The following USP54 variants were observed in gnomAD, a reference collection of about 807,000 sequenced individuals.
USP54 encodes the protein ubiquitin carboxyl-terminal hydrolase 54.
Under a neutral mutation model 170.5 loss-of-function variants are expected in USP54, and 87 were observed. That is an observed-to-expected ratio of 0.51 (90% CI 0.43 to 0.61). The LOEUF (loss-of-function observed/expected upper bound fraction) is 0.61, where lower values mean the gene tolerates loss of function less well. USP54 is among the 20% of genes least tolerant of loss of function. The probability of loss-of-function intolerance (pLI) is 0.00; values close to 1 mark genes in which losing one functional copy is unlikely to be tolerated. For missense variants in USP54, 1,786 were observed against 2,047.8 expected (o/e 0.87, Z 2.47); for synonymous variants, 655 against 742.8 (o/e 0.88, Z 1.92).
chr10:73,547,423 A>G lies in USP54; in HGVS notation c.241-1751T>C, dbSNP rs890677447. On this transcript the variant is annotated intron_variant, in intron 4 of 23. Transcript: ENST00000687698. ...GAACCAAAAAAGAGCCTGCATTGCC[A>G]AGACAATCCTAAGCAAAAAGAACAA... 2.6e-5 allele frequency among the ~76,000 whole-genome samples: 4 copies of G among 152,250 alleles called. No homozygotes were observed. In the South Asian group the frequency reaches 8.3e-4, roughly 31 times the overall value.
At chr10:73,526,380 T>C (rs2062853774) in intron 16 of USP54, among the ~76,000 whole-genome samples, 1 of 152,148 alleles carries the variant, frequency 6.6e-6, no homozygotes, top group Non-Finnish European at 1.5e-5. Flanking sequence ...CCCGAGCAGC[T>C]GGGACTACAG....
At chr10:73,499,969 C>A (rs1308978409) in intron 23 of USP54, 2 of 152,328 alleles carry the variant, frequency 1.3e-5, no homozygotes, top group African/African-American at 2.4e-5. Context: ...TGAGGGTTTA[C>A]AACAACAACT....
intron 4 of USP54, among the ~76,000 whole-genome samples, chr10:73,566,229 T>C (rs1391393388): frequency 6.6e-6 from 1 of 151,106 alleles, no homozygotes; most frequent in Non-Finnish European, 1.5e-5. Context: ...AAACTCCGTC[T>C]CAAAAAAGAA....
chr10:73,584,470 T>C (rs530635189), intron 1 of USP54, among the ~76,000 whole-genome samples: 6 of 152,316 alleles, frequency 3.9e-5, no homozygotes, highest in Admixed American at 2.0e-4. Context: ...GTTTACTGTT[T>C]AATATCACAG....
At chr10:73,555,265 T>G (rs1381237270) in intron 4 of USP54, among the ~76,000 whole-genome samples, 1 of 152,212 alleles carries the variant, frequency 6.6e-6, no homozygotes, top group Non-Finnish European at 1.5e-5. Context: ...TCTAACCATA[T>G]ATCTACCTTC....
chr10:73,571,137 CAAAAAAAAAAAAAAA>C (rs59126730), intron 4 of USP54, among the ~76,000 whole-genome samples: 9 of 44,326 alleles, frequency 2.0e-4, no homozygotes, highest in African/African-American at 4.3e-4. Context: ...GACTTCATCC[CAAAAAAAAAAAAAAA>C]AAAAAAAAAA....
chr10:73,567,766 T>C (rs2074181483), intron 4 of USP54, among the ~76,000 whole-genome samples: 2 of 152,276 alleles, frequency 1.3e-5, no homozygotes, highest in East Asian at 3.9e-4. Flanking sequence ...GTAGATTGAG[T>C]TTTTTTGTAA....
chr10:73,558,542 T>A (rs1190346613), intron 4 of USP54, among the ~76,000 whole-genome samples: 1 of 152,166 alleles, frequency 6.6e-6, no homozygotes, highest in Admixed American at 6.5e-5. Flanking sequence ...CTCAGGAATA[T>A]ATATCTTTAA....
intron 4 of USP54, among the ~76,000 whole-genome samples, chr10:73,559,196 G>C (rs1784012574): frequency 1.3e-5 from 2 of 151,654 alleles, no homozygotes; most frequent in Non-Finnish European, 2.9e-5. Context: ...CAAGACAGGT[G>C]GATCACCTGA....
chr10:73,594,525 C>T (rs2078564988), upstream of USP54, among the ~76,000 whole-genome samples: 1 of 152,076 alleles, frequency 6.6e-6, no homozygotes, highest in African/African-American at 2.4e-5. Flanking sequence ...TACCCTCAGC[C>T]TCCCGAGTAG....
intron 1 of USP54, among the ~76,000 whole-genome samples, chr10:73,600,064 G>C (rs773098387): frequency 5.3e-5 from 8 of 152,008 alleles, no homozygotes; most frequent in Admixed American, 1.3e-4. Flanking sequence ...ACCACGCTCA[G>C]CTAATTTTGT....
At chr10:73,527,668 A>G (rs905969774) in intron 15 of USP54, among the ~76,000 whole-genome samples, 1 of 151,650 alleles carries the variant, frequency 6.6e-6, no homozygotes, top group Non-Finnish European at 1.5e-5. Context: ...ATTATAAAAC[A>G]CAAAGTCCCA....
At chr10:73,536,240 G>A in intron 11 of USP54, 29 bp downstream of exon 11, 1 of 1,612,104 alleles carries the variant, frequency 6.2e-7, no homozygotes, top group Non-Finnish European at 8.5e-7. Context: ...GGTGAGGAGA[G>A]AGGAGAGGTA....
At chr10:73,534,845 C>T in intron 11 of USP54, 75 bp from the exon 12 acceptor site, 2 of 1,417,864 alleles carry the variant, frequency 1.4e-6, no homozygotes, top group Non-Finnish European at 1.9e-6. Flanking sequence ...AAGAGATGGA[C>T]ACAACAAAGC....
chr10:73,578,702 C>T (rs1460281029), intron 1 of USP54, among the ~76,000 whole-genome samples: 1 of 152,078 alleles, frequency 6.6e-6, no homozygotes, highest in African/African-American at 2.4e-5. Context: ...CCGCACCCAG[C>T]CAGTCAATTG....
intron 1 of USP54, among the ~76,000 whole-genome samples, chr10:73,583,918 T>C (rs1298910400): frequency 6.6e-6 from 1 of 152,174 alleles, no homozygotes; most frequent in East Asian, 1.9e-4. Context: ...TATAAGATGG[T>C]ATCATTAGAG....
At chr10:73,559,972 G>A (rs553071653) in intron 4 of USP54, among the ~76,000 whole-genome samples, 1 of 151,936 alleles carries the variant, frequency 6.6e-6, no homozygotes, top group Non-Finnish European at 1.5e-5. Flanking sequence ...TTGAACCTGG[G>A]AGGCAGAGGT....
At chr10:73,511,386 C>A (rs144518726) in intron 20 of USP54, among the ~76,000 whole-genome samples, 2 of 151,110 alleles carry the variant, frequency 1.3e-5, no homozygotes, top group East Asian at 1.9e-4. Context: ...GGTGGCCGGG[C>A]GTGGTGGCTC....
intron 19 of USP54, 109 bp from the exon 20 acceptor site, chr10:73,517,856 TA>T: frequency 7.4e-7 from 1 of 1,353,338 alleles, no homozygotes; most frequent in South Asian, 1.5e-5. Flanking sequence ...CAGGGAATGG[TA>T]AAAATAAACA....
Sources: gnomAD v4.1 joint callset for allele counts (sites outside exome capture counted in the v4.1 genomes callset) on GRCh38, gnomAD v4.1.1 for gene constraint, MANE v1.5 for transcripts, NCBI Gene and HGNC (gene_info 2026-07-23, HGNC 2026-07-21) for gene names.